The following TMEM132D variants were observed in gnomAD, a reference collection of about 807,000 sequenced individuals.
The protein encoded by TMEM132D is transmembrane protein 132D.
In TMEM132D, 21 loss-of-function variants were observed where a neutral mutation model predicts 62.3. That is an observed-to-expected ratio of 0.34 (90% confidence interval 0.24 to 0.49). TMEM132D has a LOEUF of 0.49. Among genes scored for constraint, TMEM132D ranks in the 20% least tolerant of loss-of-function variants. The probability of loss-of-function intolerance (pLI) is 0.99; values close to 1 mark genes in which losing one functional copy is unlikely to be tolerated. For missense variants in TMEM132D, 1,346 were observed against 1,402.8 expected, an observed-to-expected ratio of 0.96 and a Z score of 0.65; for synonymous variants, 621 against 575.6, an observed-to-expected ratio of 1.08 and a Z score of -1.13.
At chr12:129,172,824 C>T (rs984704653) in intron 5 of TMEM132D, among the ~76,000 whole-genome samples, 2 of 152,258 alleles carry the variant, frequency 1.3e-5, no homozygotes, top group African/African-American at 2.4e-5. Context: ...GCGATCCACC[C>T]ACCTCGGCCT....
chr12:129,209,237 C>A (rs965000666), intron 5 of TMEM132D, among the ~76,000 whole-genome samples: 1 of 152,198 alleles, frequency 6.6e-6, no homozygotes, highest in Non-Finnish European at 1.5e-5. Context: ...CCACGACAAT[C>A]TCCCTGGGGA....
intron 5 of TMEM132D, among the ~76,000 whole-genome samples, chr12:129,107,097 A>G (rs912323994): frequency 7.9e-5 from 12 of 152,206 alleles, no homozygotes; most frequent in Non-Finnish European, 1.8e-4. Flanking sequence ...CACACAAGAA[A>G]GAGGTGATGA....
chr12:129,255,906 G>A (rs1272378827), intron 4 of TMEM132D, among the ~76,000 whole-genome samples: 3 of 152,226 alleles, frequency 2.0e-5, no homozygotes, highest in Non-Finnish European at 4.4e-5. Context: ...CAATTGCTAT[G>A]TCCTTGGGGA....
At chr12:129,799,350 ATATG>A (rs1565989637) in intron 1 of TMEM132D, among the ~76,000 whole-genome samples, 1 of 130,732 alleles carries the variant, frequency 7.6e-6, no homozygotes, top group African/African-American at 2.9e-5. Context: ...ATATGTGTAT[ATATG>A]TGTGTGTGTG....
intron 1 of TMEM132D, among the ~76,000 whole-genome samples, chr12:129,868,187 A>G (rs1193597544): frequency 1.3e-5 from 2 of 151,790 alleles, no homozygotes; most frequent in Admixed American, 1.3e-4. Flanking sequence ...CACACGAGAC[A>G]GCATTTGTAT....
chr12:129,199,702 G>A (rs992475679), intron 5 of TMEM132D, among the ~76,000 whole-genome samples: 1 of 152,136 alleles, frequency 6.6e-6, no homozygotes, highest in African/African-American at 2.4e-5. Flanking sequence ...GGTGTAGGAG[G>A]AGCAAAGGCA....
chr12:129,105,449 C>T (rs1449928740), intron 5 of TMEM132D, among the ~76,000 whole-genome samples: 9 of 137,204 alleles, frequency 6.6e-5, no homozygotes, highest in African/African-American at 2.3e-4. Flanking sequence ...TGCTAGATGA[C>T]GAGTTAGTGG....
intron 5 of TMEM132D, among the ~76,000 whole-genome samples, chr12:129,161,619 T>C (rs1877402262): frequency 1.3e-5 from 2 of 152,216 alleles, no homozygotes; most frequent in African/African-American, 4.8e-5. Context: ...TGCCTGTCTC[T>C]GAGTCCTTCT....
chr12:129,491,730 C>T (rs148976055), intron 3 of TMEM132D, among the ~76,000 whole-genome samples: 53 of 152,210 alleles, frequency 3.5e-4, no homozygotes, highest in African/African-American at 1.1e-3. Flanking sequence ...TCACTTGAGG[C>T]CAGGAGTTCA....
chr12:129,689,796 G>A (rs1593121264), intron 2 of TMEM132D, among the ~76,000 whole-genome samples: 1 of 152,224 alleles, frequency 6.6e-6, no homozygotes, highest in African/African-American at 2.4e-5. Context: ...ACACAGTCCT[G>A]GGAACTACTG....
At chr12:129,508,725 T>C (rs929810886) in intron 3 of TMEM132D, among the ~76,000 whole-genome samples, 1 of 148,436 alleles carries the variant, frequency 6.7e-6, no homozygotes, top group East Asian at 2.0e-4. Flanking sequence ...ATACACATAC[T>C]GAATAAACTA....
intron 4 of TMEM132D, among the ~76,000 whole-genome samples, chr12:129,215,849 G>C (rs543202814): frequency 2.0e-5 from 3 of 152,134 alleles, no homozygotes; most frequent in Non-Finnish European, 4.4e-5. Flanking sequence ...ACATGGCGTG[G>C]GGCAAAGAGA....
chr12:129,592,094 T>C (rs759700987), intron 2 of TMEM132D, among the ~76,000 whole-genome samples: 2 of 152,244 alleles, frequency 1.3e-5, no homozygotes, highest in Non-Finnish European at 2.9e-5. Context: ...AAAAGTACCA[T>C]GTTTTATTAG....
At chr12:129,788,819 A>C (rs1871316132) in intron 1 of TMEM132D, among the ~76,000 whole-genome samples, 1 of 152,162 alleles carries the variant, frequency 6.6e-6, no homozygotes, top group African/African-American at 2.4e-5. Context: ...ACAGGTAGCC[A>C]AGATAGGGAG....
At chr12:129,145,409 A>C (rs1428177593) in intron 5 of TMEM132D, among the ~76,000 whole-genome samples, 1 of 152,058 alleles carries the variant, frequency 6.6e-6, no homozygotes, top group Non-Finnish European at 1.5e-5. Context: ...CAGTTTCTAC[A>C]CAGTTTCTGT....
intron 2 of TMEM132D, among the ~76,000 whole-genome samples, chr12:129,697,865 G>C (rs1172024355): frequency 6.6e-6 from 1 of 152,002 alleles, no homozygotes; most frequent in Non-Finnish European, 1.5e-5. Context: ...GAGACACAAA[G>C]CTTTTTGTGA....
chr12:129,312,712 A>G (rs1342937889), intron 4 of TMEM132D, among the ~76,000 whole-genome samples: 1 of 152,000 alleles, frequency 6.6e-6, no homozygotes, highest in Admixed American at 6.5e-5. Context: ...CTGGGACTAC[A>G]GGCGCCCGCC....
intron 5 of TMEM132D, chr12:129,085,822 G>A (rs967645535): frequency 6.6e-6 from 1 of 152,274 alleles, no homozygotes; most frequent in Non-Finnish European, 1.5e-5. Context: ...ATGGGAAGAA[G>A]CAAGTTCAAT....
At chr12:129,255,407 T>C (rs1160967316) in intron 4 of TMEM132D, among the ~76,000 whole-genome samples, 2 of 152,212 alleles carry the variant, frequency 1.3e-5, no homozygotes, top group East Asian at 3.9e-4. Context: ...TTTGACCCAG[T>C]GGCTGAAGCT....
Sources: allele counts gnomAD v4.1 joint callset (sites outside exome capture counted in the v4.1 genomes callset), GRCh38; gene constraint gnomAD v4.1.1; transcripts MANE v1.5; gene names NCBI Gene and HGNC (gene_info 2026-07-23, HGNC 2026-07-21).